The following TMEM178B variants were observed in gnomAD, a reference collection of about 807,000 sequenced individuals.
TMEM178B encodes the protein transmembrane protein 178B.
TMEM178B carries 5 observed loss-of-function variants against 31.0 expected under a neutral mutation model. That is an observed-to-expected ratio of 0.16 (90% CI 0.08 to 0.34). TMEM178B has a LOEUF of 0.34. Among genes scored for constraint, TMEM178B ranks in the 10% least tolerant of loss-of-function variants. The pLI, the probability that TMEM178B is intolerant of heterozygous loss-of-function variation, is 1.00. For synonymous variants in TMEM178B, 164 were observed against 164.0 expected, an observed-to-expected ratio of 1.00 and a Z score of 0.00; for missense variants, 275 against 400.3, an observed-to-expected ratio of 0.69 and a Z score of 2.67.
At chr7:141,243,940 A>T (rs1024513472) in intron 2 of TMEM178B, among the ~76,000 whole-genome samples, 4 of 152,148 alleles carry the variant, frequency 2.6e-5, no homozygotes, top group Non-Finnish European at 1.5e-5. Flanking sequence ...GTCCTCCACA[A>T]TGCCTGCCCT....
intron 2 of TMEM178B, among the ~76,000 whole-genome samples, chr7:141,368,833 G>A (rs1800057287): frequency 6.6e-6 from 1 of 152,222 alleles, no homozygotes. Context: ...CCCTCTGTGT[G>A]GTTGTCTCTT....
At chr7:141,085,291 C>T (rs867411148) in intron 1 of TMEM178B, among the ~76,000 whole-genome samples, 1 of 151,268 alleles carries the variant, frequency 6.6e-6, no homozygotes, top group African/African-American at 2.4e-5. Flanking sequence ...GCCACCATGC[C>T]TGGCCTATTT....
the TMEM178B span, among the ~76,000 whole-genome samples, chr7:141,492,454 GGA>G: frequency 1.3e-5 from 2 of 152,164 alleles, no homozygotes; most frequent in Non-Finnish European, 2.9e-5. Flanking sequence ...ACAAGGGCAG[GGA>G]CTCTGTCTTT....
At chr7:141,270,095 A>G (rs1339911743) in intron 2 of TMEM178B, among the ~76,000 whole-genome samples, 1 of 152,158 alleles carries the variant, frequency 6.6e-6, no homozygotes, top group Admixed American at 6.5e-5. Flanking sequence ...AACTCATAAA[A>G]AAAACACAAC....
chr7:141,183,313 A>G (rs1796559733), intron 1 of TMEM178B, among the ~76,000 whole-genome samples: 1 of 152,162 alleles, frequency 6.6e-6, no homozygotes. Context: ...TCCCTCTCAA[A>G]TTCTGGGTCC....
chr7:141,362,845 C>T (rs866557391), intron 2 of TMEM178B, among the ~76,000 whole-genome samples: 1 of 152,214 alleles, frequency 6.6e-6, no homozygotes, highest in Non-Finnish European at 1.5e-5. Flanking sequence ...AGCCATTTCT[C>T]CTGGAGCGAC....
chr7:141,418,978 G>A (rs947646428), intron 2 of TMEM178B, among the ~76,000 whole-genome samples: 3 of 152,172 alleles, frequency 2.0e-5, no homozygotes, highest in African/African-American at 7.2e-5. Context: ...CACAATCCTG[G>A]CTCACTGCAA....
chr7:141,328,880 C>T (rs1799244735), intron 2 of TMEM178B, among the ~76,000 whole-genome samples: 1 of 152,076 alleles, frequency 6.6e-6, no homozygotes, highest in Non-Finnish European at 1.5e-5. Context: ...ACAGGTGAGG[C>T]TCAGAGAGTT....
At chr7:141,229,135 C>G (rs1428191315) in intron 2 of TMEM178B, among the ~76,000 whole-genome samples, 1 of 100,580 alleles carries the variant, frequency 9.9e-6, no homozygotes, top group Non-Finnish European at 2.2e-5. Flanking sequence ...GTGTGTGAAA[C>G]TTTTTTTTCA....
intron 1 of TMEM178B, among the ~76,000 whole-genome samples, chr7:141,157,467 A>G (rs908889799): frequency 6.6e-6 from 1 of 152,074 alleles, no homozygotes; most frequent in Non-Finnish European, 1.5e-5. Flanking sequence ...ACACCAGCCA[A>G]CCAACAAGCA....
chr7:141,289,247 T>C (rs1798502976), intron 2 of TMEM178B, among the ~76,000 whole-genome samples: 1 of 152,250 alleles, frequency 6.6e-6, no homozygotes, highest in Admixed American at 6.5e-5. Flanking sequence ...GCTCCAGCTC[T>C]GGCTCTGCTG....
At chr7:141,086,972 G>A (rs771897048) in intron 1 of TMEM178B, among the ~76,000 whole-genome samples, 21 of 152,014 alleles carry the variant, frequency 1.4e-4, no homozygotes, top group Non-Finnish European at 2.1e-4. Context: ...ACAGGTGTGA[G>A]CCACCGCATC....
chr7:141,158,170 A>T (rs1479456243), intron 1 of TMEM178B, among the ~76,000 whole-genome samples: 1 of 152,130 alleles, frequency 6.6e-6, no homozygotes, highest in Non-Finnish European at 1.5e-5. Flanking sequence ...ATCTCGGCTC[A>T]CTGCAGCCTC....
intron 1 of TMEM178B, among the ~76,000 whole-genome samples, chr7:141,117,285 A>G (rs1271869765): frequency 6.6e-6 from 1 of 151,950 alleles, no homozygotes; most frequent in East Asian, 1.9e-4. Context: ...GCTTTTTTTC[A>G]TATGTTTGTT....
intron 2 of TMEM178B, among the ~76,000 whole-genome samples, chr7:141,228,319 T>A (rs1028051516): frequency 6.6e-6 from 1 of 152,130 alleles, no homozygotes; most frequent in African/African-American, 2.4e-5. Context: ...CAGAAAAATG[T>A]CAACTGAAAC....
At chr7:141,102,112 C>T (rs1326056137) in intron 1 of TMEM178B, among the ~76,000 whole-genome samples, 5 of 151,988 alleles carry the variant, frequency 3.3e-5, no homozygotes, top group Non-Finnish European at 4.4e-5. Context: ...AGGTTAGCAA[C>T]CCTATTTTAT....
chr7:141,418,729 C>T (rs1382957435), intron 2 of TMEM178B, among the ~76,000 whole-genome samples: 1 of 152,172 alleles, frequency 6.6e-6, no homozygotes, highest in Non-Finnish European at 1.5e-5. Flanking sequence ...TTCAATCCTA[C>T]AGCTTTAACT....
intron 2 of TMEM178B, among the ~76,000 whole-genome samples, chr7:141,375,399 G>A (rs10245819): frequency 0.36 from 54,122 of 152,010 alleles, 9,867 homozygotes; most frequent in African/African-American, 0.41. Flanking sequence ...CTGCACCTGC[G>A]TAGAGATTGT....
At chr7:141,075,029 G>A (rs896264734) in intron 1 of TMEM178B, among the ~76,000 whole-genome samples, 1 of 152,190 alleles carries the variant, frequency 6.6e-6, no homozygotes. Flanking sequence ...CTTAAAGGAA[G>A]CCCTTTAGGA....
Sources: gnomAD v4.1 joint callset for allele counts (sites outside exome capture counted in the v4.1 genomes callset) on GRCh38, gnomAD v4.1.1 for gene constraint, MANE v1.5 for transcripts, NCBI Gene and HGNC (gene_info 2026-07-23, HGNC 2026-07-21) for gene names.